DSCAM: variants seen among roughly 807,000 people sequenced by gnomAD.
DSCAM encodes the protein cell adhesion molecule DSCAM.
Under a neutral mutation model 217.7 loss-of-function variants are expected in DSCAM, and 47 were observed. That is an observed-to-expected ratio of 0.22 (90% CI 0.17 to 0.28). The LOEUF is 0.28. DSCAM is among the 10% of genes least tolerant of loss of function. The pLI is 1.00. For synonymous variants in DSCAM, 1,056 were observed against 1,015.3 expected, an observed-to-expected ratio of 1.04 and a Z score of -0.76; for missense variants, 2,080 against 2,618.3, an observed-to-expected ratio of 0.79 and a Z score of 4.49.
intron 10 of DSCAM, among the ~76,000 whole-genome samples, chr21:40,276,972 TAA>T (rs111711519): frequency 1.4e-5 from 2 of 144,072 alleles, no homozygotes; most frequent in African/African-American, 2.5e-5. Flanking sequence ...TACAACTGGG[TAA>T]AAAAAAAAAG....
intron 3 of DSCAM, among the ~76,000 whole-genome samples, chr21:40,655,896 T>C (rs1419952154): frequency 6.6e-6 from 1 of 151,688 alleles, no homozygotes; most frequent in Non-Finnish European, 1.5e-5. Context: ...CTACGAAAAA[T>C]ACAAAAATTA....
intron 3 of DSCAM, among the ~76,000 whole-genome samples, chr21:40,670,288 T>C (rs1173653334): frequency 6.6e-6 from 1 of 152,210 alleles, no homozygotes; most frequent in Non-Finnish European, 1.5e-5. Flanking sequence ...CAGCCCCTGG[T>C]AACCACCGTT....
chr21:40,512,705 G>A (rs751195390), intron 3 of DSCAM, among the ~76,000 whole-genome samples: 31 of 151,892 alleles, frequency 2.0e-4, no homozygotes, highest in Non-Finnish European at 3.7e-4. Flanking sequence ...TTATAGTACT[G>A]TATAGTTATG....
chr21:40,398,855 T>C (rs1362298789), intron 3 of DSCAM, among the ~76,000 whole-genome samples: 1 of 152,154 alleles, frequency 6.6e-6, no homozygotes, highest in Non-Finnish European at 1.5e-5. Context: ...CCCAAAATGC[T>C]GGGATTACAG....
intron 3 of DSCAM, among the ~76,000 whole-genome samples, chr21:40,465,507 A>G (rs751150548): frequency 7.9e-5 from 12 of 152,242 alleles, no homozygotes; most frequent in Non-Finnish European, 1.3e-4. Context: ...GCTCTGTTCC[A>G]TTAAAAATAA....
chr21:40,531,871 A>C (rs527575597), intron 3 of DSCAM, among the ~76,000 whole-genome samples: 7 of 152,324 alleles, frequency 4.6e-5, no homozygotes, highest in Admixed American at 4.6e-4. Context: ...AATGCTCTGC[A>C]CAGCTGTCTA....
chr21:40,825,410 C>T (rs1301197029), intron 1 of DSCAM, among the ~76,000 whole-genome samples: 3 of 152,002 alleles, frequency 2.0e-5, no homozygotes, highest in East Asian at 3.9e-4. Context: ...CTCTGCCTCC[C>T]GGGTTCAAGT....
At chr21:40,408,813 C>T (rs2075299776) in intron 3 of DSCAM, among the ~76,000 whole-genome samples, 1 of 152,142 alleles carries the variant, frequency 6.6e-6, no homozygotes, top group South Asian at 2.1e-4. Flanking sequence ...TGATGCCAGT[C>T]ATAATTTTAA....
intron 3 of DSCAM, among the ~76,000 whole-genome samples, chr21:40,539,510 GA>G (rs149520472): frequency 1.4e-4 from 20 of 144,050 alleles, no homozygotes; most frequent in African/African-American, 3.3e-4. Flanking sequence ...AAAAGAAAAA[GA>G]AAAAAAAAAG....
chr21:40,240,570 C>T (rs569445992), intron 11 of DSCAM, among the ~76,000 whole-genome samples: 206 of 152,186 alleles, frequency 1.4e-3, no homozygotes, highest in African/African-American at 4.6e-3. Context: ...CCAGCCTTCA[C>T]GTTTTTGTTC....
chr21:40,137,634 C>CAA (rs2090228615), intron 18 of DSCAM, among the ~76,000 whole-genome samples: 1 of 140,994 alleles, frequency 7.1e-6, no homozygotes, highest in African/African-American at 2.7e-5. Flanking sequence ...CACACACACA[C>CAA]ACACACACAC....
chr21:40,553,283 G>A (rs2076644953), intron 3 of DSCAM, among the ~76,000 whole-genome samples: 1 of 152,164 alleles, frequency 6.6e-6, no homozygotes, highest in Non-Finnish European at 1.5e-5. Flanking sequence ...TTTATGCCTT[G>A]GAAAGGGCAT....
intron 3 of DSCAM, among the ~76,000 whole-genome samples, chr21:40,543,163 G>C (rs2076555021): frequency 6.6e-6 from 1 of 152,192 alleles, no homozygotes; most frequent in Non-Finnish European, 1.5e-5. Context: ...GGAAAGGTCA[G>C]ACAAGTAAGA....
chr21:40,391,588 A>G (rs1374061350), intron 3 of DSCAM, among the ~76,000 whole-genome samples: 1 of 152,214 alleles, frequency 6.6e-6, no homozygotes, highest in African/African-American at 2.4e-5. Context: ...AGGGTTGTTC[A>G]TACTGTGGAG....
At chr21:40,642,418 G>A (rs2089893964) in intron 3 of DSCAM, among the ~76,000 whole-genome samples, 1 of 152,152 alleles carries the variant, frequency 6.6e-6, no homozygotes, top group South Asian at 2.1e-4. Context: ...GGAGTACTGA[G>A]AAATTACACC....
intron 4 of DSCAM, among the ~76,000 whole-genome samples, chr21:40,357,901 A>G (rs1180743023): frequency 1.3e-5 from 2 of 152,184 alleles, no homozygotes; most frequent in Non-Finnish European, 2.9e-5. Context: ...ATATAATGAT[A>G]GCTCTCGTTC....
At chr21:40,274,229 G>A (rs1229133345) in intron 11 of DSCAM, among the ~76,000 whole-genome samples, 1 of 152,060 alleles carries the variant, frequency 6.6e-6, no homozygotes, top group Non-Finnish European at 1.5e-5. Context: ...GACATATGGG[G>A]GCATCGTCCA....
chr21:40,325,158 T>A (rs547532736), intron 8 of DSCAM, among the ~76,000 whole-genome samples: 7 of 152,264 alleles, frequency 4.6e-5, no homozygotes, highest in African/African-American at 1.4e-4. Context: ...GGCTTTTTTT[T>A]AAGTAAAGTG....
At chr21:40,770,490 G>A (rs956218998) in intron 1 of DSCAM, among the ~76,000 whole-genome samples, 2 of 152,182 alleles carry the variant, frequency 1.3e-5, no homozygotes, top group African/African-American at 4.8e-5. Context: ...ATCTGTAAGA[G>A]TTATTCGAGT....
Sources: gnomAD v4.1 joint callset for allele counts (sites outside exome capture counted in the v4.1 genomes callset) on GRCh38, gnomAD v4.1.1 for gene constraint, MANE v1.5 for transcripts, NCBI Gene and HGNC (gene_info 2026-07-23, HGNC 2026-07-21) for gene names.